The following NDUFAF7 variants were observed in gnomAD, a reference collection of about 807,000 sequenced individuals.
The protein encoded by NDUFAF7 is protein arginine methyltransferase NDUFAF7, mitochondrial.
In NDUFAF7, 48 loss-of-function variants were observed where a neutral mutation model predicts 47.2. That is an observed-to-expected ratio of 1.02 (90% CI 0.81 to 1.29). The LOEUF (loss-of-function observed/expected upper bound fraction) is 1.29. Among genes scored for constraint, NDUFAF7 ranks in the 50% most tolerant of loss-of-function variants. The pLI, the probability that NDUFAF7 is intolerant of heterozygous loss-of-function variation, is 0.00. For synonymous variants in NDUFAF7, 217 were observed against 190.0 expected (o/e 1.14, Z -1.17); for missense variants, 635 against 537.6 (o/e 1.18, Z -1.79).
At chr2:37,256,823 T>C (rs746659572), downstream of NDUFAF7, 16 of 1,613,996 alleles carry the variant, frequency 9.9e-6, no homozygotes, top group African/African-American at 1.3e-5. Flanking sequence ...GTTGTAACCT[T>C]TGCTCCGGAG....
At chr2:37,261,506 C>T in the NDUFAF7 span, among the ~76,000 whole-genome samples, 33 of 140,872 alleles carry the variant, frequency 2.3e-4, no homozygotes, top group African/African-American at 2.4e-4. Flanking sequence ...AAAGGCCGGG[C>T]GCGGTGGCTC....
chr2:37,260,890 C>T, the NDUFAF7 span, among the ~76,000 whole-genome samples: 1 of 152,126 alleles, frequency 6.6e-6, no homozygotes, highest in East Asian at 1.9e-4. Flanking sequence ...CCCACATTAT[C>T]ATGTTTCTTG....
At chr2:37,252,084 A>G (rs1197289468), downstream of NDUFAF7, 1 of 152,160 alleles carries the variant, frequency 6.6e-6, no homozygotes, top group African/African-American at 2.4e-5. Flanking sequence ...CCAGCCTTAT[A>G]AACTGTTTCA....
At chr2:37,261,726 G>A in the NDUFAF7 span, among the ~76,000 whole-genome samples, 1 of 152,204 alleles carries the variant, frequency 6.6e-6, no homozygotes, top group East Asian at 1.9e-4. Flanking sequence ...GTTGCGGTGA[G>A]CTGAGATTGC....
the NDUFAF7 span, among the ~76,000 whole-genome samples, chr2:37,270,191 C>T: frequency 1.4e-4 from 22 of 152,042 alleles, no homozygotes; most frequent in African/African-American, 5.1e-4. Context: ...TGTGCCACTG[C>T]ACTCCAGCCT....
At chr2:37,249,438 G>A (rs1667270007), downstream of NDUFAF7, among the ~76,000 whole-genome samples, 1 of 152,014 alleles carries the variant, frequency 6.6e-6, no homozygotes, top group Non-Finnish European at 1.5e-5. Flanking sequence ...TTAGCCTGGT[G>A]TGGTGGTGGG....
intron 4 of NDUFAF7, 148 bp from the exon 5 acceptor site, chr2:37,241,430 T>C (rs573431874): frequency 2.2e-5 from 15 of 675,650 alleles, no homozygotes; most frequent in South Asian, 1.1e-4. Flanking sequence ...AGGATTCTTA[T>C]AGACTGCTGG....
chr2:37,242,070 A>C, intron 5 of NDUFAF7: 1 of 453,448 alleles, frequency 2.2e-6, no homozygotes, highest in Non-Finnish European at 4.0e-6. Context: ...CTAGGGTTGT[A>C]CCGATGACGG....
intron 8 of NDUFAF7, 177 bp from the exon 9 acceptor site, chr2:37,247,279 G>A: frequency 1.4e-6 from 1 of 690,950 alleles, no homozygotes; most frequent in Non-Finnish European, 2.5e-6. Flanking sequence ...TCTGATGCAT[G>A]GTTGATGCAT....
chr2:37,270,349 T>TG, the NDUFAF7 span, among the ~76,000 whole-genome samples: 146 of 64,554 alleles, frequency 2.3e-3, no homozygotes, highest in Admixed American at 0.011. Flanking sequence ...CATTGATTTT[T>TG]GGAAAAAAAA....
At chr2:37,252,847 T>TATATATATATATATATA (rs1667612720), downstream of NDUFAF7, 5 of 145,034 alleles carry the variant, frequency 3.4e-5, no homozygotes, top group South Asian at 6.6e-4. Context: ...ATATTTATAT[T>TATATATATATATATATA]TATATATATA....
chr2:37,262,249 T>C, the NDUFAF7 span, among the ~76,000 whole-genome samples: 1 of 152,226 alleles, frequency 6.6e-6, no homozygotes, highest in Admixed American at 6.5e-5. Context: ...AGATGTTTCT[T>C]GAAGCCTTAA....
downstream of NDUFAF7, chr2:37,251,404 C>G (rs547511671): frequency 6.6e-6 from 1 of 152,508 alleles, no homozygotes; most frequent in African/African-American, 2.4e-5. Context: ...TTAATCTCCC[C>G]TTGCCTCAGT....
At chr2:37,251,798 TCCAGGCCAACATAACTAACAA>T (rs1312719979), downstream of NDUFAF7, 2 of 151,928 alleles carry the variant, frequency 1.3e-5, no homozygotes, top group African/African-American at 4.8e-5. Context: ...CTGCCATCTG[TCCAGGCCAACATAACTAACAA>T]GTAGTGGAGT....
At chr2:37,266,480 C>T in the NDUFAF7 span, among the ~76,000 whole-genome samples, 368 of 150,962 alleles carry the variant, frequency 2.4e-3, 3 homozygotes, top group African/African-American at 8.6e-3. Flanking sequence ...CATGTGCCAC[C>T]ACACCCGGCT....
the NDUFAF7 span, among the ~76,000 whole-genome samples, chr2:37,265,812 TATA>T: frequency 6.6e-6 from 1 of 152,200 alleles, no homozygotes; most frequent in South Asian, 2.1e-4. Context: ...ACCAAAATGA[TATA>T]ATAATGAAGT....
chr2:37,246,275 G>A (rs1193573823), intron 8 of NDUFAF7, 80 bp downstream of exon 8: 1 of 1,468,080 alleles, frequency 6.8e-7, no homozygotes, highest in East Asian at 2.3e-5. Flanking sequence ...GATTTCTACA[G>A]TGCCTGGTAT....
At chr2:37,252,975 C>T (rs1248562403), downstream of NDUFAF7, 2 of 437,392 alleles carry the variant, frequency 4.6e-6, no homozygotes, top group Admixed American at 4.4e-5. Flanking sequence ...AAAGCTTCAC[C>T]TTGATTCCAT....
downstream of NDUFAF7, chr2:37,257,005 G>A (rs952353415): frequency 4.6e-5 from 67 of 1,449,970 alleles, no homozygotes; most frequent in Non-Finnish European, 5.8e-5. Context: ...ATATAACACT[G>A]TATGTATCAT....
Sources: allele counts gnomAD v4.1 joint callset (sites outside exome capture counted in the v4.1 genomes callset), GRCh38; gene constraint gnomAD v4.1.1; transcripts MANE v1.5; gene names NCBI Gene and HGNC (gene_info 2026-07-23, HGNC 2026-07-21).